The following IGSF21 variants were observed in gnomAD, a reference collection of about 807,000 sequenced individuals.
The protein encoded by IGSF21 is immunoglobin superfamily member 21.
IGSF21 carries 28 observed loss-of-function variants against 46.8 expected under a neutral mutation model. The observed-to-expected ratio is 0.60, with a 90% CI of 0.44 to 0.82. The LOEUF is 0.82. Among genes scored for constraint, IGSF21 ranks in the 40% least tolerant of loss-of-function variants. The pLI is 0.00. For synonymous variants in IGSF21, 284 were observed against 273.6 expected (o/e 1.04, Z -0.38); for missense variants, 624 against 665.5 (o/e 0.94, Z 0.69).
At chr1:18,177,065 T>A (rs1044349493) in intron 1 of IGSF21, among the ~76,000 whole-genome samples, 11 of 152,210 alleles carry the variant, frequency 7.2e-5, no homozygotes, top group Non-Finnish European at 1.6e-4. Context: ...ATCCTCCCAG[T>A]CTGTGCTTTT....
chr1:18,165,045 C>G (rs1279815227), intron 1 of IGSF21, among the ~76,000 whole-genome samples: 7 of 151,870 alleles, frequency 4.6e-5, no homozygotes, highest in Non-Finnish European at 1.0e-4. Context: ...GCATCCATGT[C>G]CCTACGAAGG....
intron 2 of IGSF21, among the ~76,000 whole-genome samples, chr1:18,280,313 G>C (rs1479499180): frequency 6.6e-6 from 1 of 152,114 alleles, no homozygotes; most frequent in Non-Finnish European, 1.5e-5. Flanking sequence ...TGGAAAAGTG[G>C]TCTCTTCTCT....
chr1:18,252,325 A>G (rs2084851303), intron 2 of IGSF21, among the ~76,000 whole-genome samples: 2 of 152,164 alleles, frequency 1.3e-5, no homozygotes, highest in Non-Finnish European at 2.9e-5. Flanking sequence ...CTGGGATTAC[A>G]GACATGAGCC....
At chr1:18,247,372 G>C (rs2084795919) in intron 2 of IGSF21, among the ~76,000 whole-genome samples, 1 of 152,098 alleles carries the variant, frequency 6.6e-6, no homozygotes, top group Non-Finnish European at 1.5e-5. Context: ...ATCCGCCTGG[G>C]ACCTGCTGCC....
chr1:18,294,689 G>T (rs780413321), intron 3 of IGSF21, among the ~76,000 whole-genome samples: 1 of 152,252 alleles, frequency 6.6e-6, no homozygotes, highest in Non-Finnish European at 1.5e-5. Context: ...ATCTCCCTGA[G>T]CCTCAGTAAC....
chr1:18,293,626 C>A (rs116468686), intron 3 of IGSF21, among the ~76,000 whole-genome samples: 1,680 of 152,210 alleles, frequency 0.011, 42 homozygotes, highest in African/African-American at 0.038. Flanking sequence ...TAAAACAAGC[C>A]AGTTACAATC....
Position 18,220,130 on chromosome 1 carries a change from T to A in IGSF21, c.71-7768T>A, listed in dbSNP as rs542001983. 9.8e-5 allele frequency among the ~76,000 whole-genome samples: 15 copies of A among 152,294 alleles called. No homozygotes were observed. In the South Asian group the frequency reaches 2.7e-3, roughly 27 times the overall value. On this transcript the variant is annotated intron_variant, in intron 1 of 9. Transcript: ENST00000251296. ...TTGTTGTTATGGTGGTTCAGTTAAG[T>A]GCCACTACCTGTAGATTTGTCTGCC...
chr1:18,342,780 A>G (rs1316967369), intron 4 of IGSF21, among the ~76,000 whole-genome samples: 3 of 152,236 alleles, frequency 2.0e-5, no homozygotes. Flanking sequence ...TTCATTTTCA[A>G]TGCTGAATAA....
At chr1:18,372,653 G>GATGGATGGATGGATGT (rs1557666116) in intron 6 of IGSF21, among the ~76,000 whole-genome samples, 4 of 150,694 alleles carry the variant, frequency 2.7e-5, no homozygotes, top group Non-Finnish European at 5.9e-5. Context: ...TGGATGGATG[G>GATGGATGGATGGATGT]ATGTTTGGAT....
chr1:18,357,499 T>TG (rs2086033400), intron 4 of IGSF21, among the ~76,000 whole-genome samples: 1 of 110,336 alleles, frequency 9.1e-6, no homozygotes, highest in African/African-American at 3.6e-5. Context: ...GGGATGGGAA[T>TG]GAAGTGGAGG....
intron 1 of IGSF21, among the ~76,000 whole-genome samples, chr1:18,195,932 A>G (rs976231333): frequency 9.2e-5 from 14 of 152,354 alleles, no homozygotes; most frequent in African/African-American, 3.4e-4. Flanking sequence ...GCTTCCCGGA[A>G]GAGGCAGCAG....
chr1:18,376,876 A>T lies in IGSF21; in HGVS notation c.1178A>T (p.Asp393Val). 1.2e-6 allele frequency: 2 copies of T among 1,612,934 alleles called. No homozygotes were observed. Among genetic ancestry groups the T allele is most frequent in the Admixed American group, 1.7e-5 (1 of 59,996 alleles). ...SRLLDGSAEF[D>V]GKELVLERVP... Reference sequence around the variant, plus strand: ...CTCCTGGACGGCAGCGCTGAGTTCGACGGGAAGGAGCTGGTGCTGGAGCGG... The same window carrying T: ...CTCCTGGACGGCAGCGCTGAGTTCGTCGGGAAGGAGCTGGTGCTGGAGCGG... Residue 393 changes from aspartate to valine, a missense_variant, in exon 8 of 10, where the codon GAC (aspartate) becomes GTC (valine). Coordinates refer to ENST00000251296, the MANE Select transcript of IGSF21 (RefSeq NM_032880.5).
intron 2 of IGSF21, among the ~76,000 whole-genome samples, chr1:18,240,562 G>A (rs1480112585): frequency 6.6e-6 from 1 of 152,192 alleles, no homozygotes; most frequent in African/African-American, 2.4e-5. Flanking sequence ...TCTCCTGAGT[G>A]TCTAGCATGA....
At chr1:18,145,556 A>T (rs9729186) in intron 1 of IGSF21, among the ~76,000 whole-genome samples, 87,163 of 151,792 alleles carry the variant, frequency 0.57, 25,413 homozygotes, top group East Asian at 0.8. Context: ...CAGAGAGTCC[A>T]GGGGGTGACC....
At chr1:18,154,684 G>A (rs1175392690) in intron 1 of IGSF21, among the ~76,000 whole-genome samples, 2 of 149,394 alleles carry the variant, frequency 1.3e-5, no homozygotes, top group South Asian at 2.2e-4. Context: ...TGGGGGTGGG[G>A]TGGATTCCAG....
At chr1:18,258,988 C>G (rs928928240) in intron 2 of IGSF21, among the ~76,000 whole-genome samples, 1 of 152,194 alleles carries the variant, frequency 6.6e-6, no homozygotes, top group East Asian at 1.9e-4. Flanking sequence ...TTTTCCCTCT[C>G]TCTCCCTTTG....
chr1:18,330,781 AT>A (rs1225136576), intron 3 of IGSF21, among the ~76,000 whole-genome samples: 1 of 152,174 alleles, frequency 6.6e-6, no homozygotes, highest in Admixed American at 6.5e-5. Context: ...GATAAACTTT[AT>A]TTTTTAGAGC....
At chr1:18,120,288 C>T (rs1384694220) in intron 1 of IGSF21, among the ~76,000 whole-genome samples, 1 of 152,198 alleles carries the variant, frequency 6.6e-6, no homozygotes, top group Non-Finnish European at 1.5e-5. Context: ...TGCCAGACAG[C>T]CAGGCGGCCC....
rs142251264 is a variant in IGSF21 at position 18,295,654 on chromosome 1, G to A, written c.305+3667G>A. Among the ~76,000 whole-genome samples, 464 of 152,238 alleles carry A rather than the reference G, an allele frequency of 3.0e-3. 3 individuals are homozygous for A. Among genetic ancestry groups the A allele is most frequent in the African/African-American group, 1.0e-2 (415 of 41,546 alleles). On this transcript the variant is annotated intron_variant, in intron 3 of 9. Coordinates refer to ENST00000251296, the MANE Select transcript of IGSF21 (RefSeq NM_032880.5). ...TGAAAGGGAGGAGGCAGATGTGGCC[G>A]ACAGTTATCCCACCCTGCCCACTTC...
Sources: allele counts gnomAD v4.1 joint callset (sites outside exome capture counted in the v4.1 genomes callset), GRCh38; gene constraint gnomAD v4.1.1; transcripts MANE v1.5; gene names NCBI Gene and HGNC (gene_info 2026-07-23, HGNC 2026-07-21).